The following TENM4 variants were observed in gnomAD, a reference collection of about 807,000 sequenced individuals.
TENM4 encodes the protein teneurin-4.
In TENM4, 82 loss-of-function variants were observed where a neutral mutation model predicts 243.3. The observed-to-expected ratio is 0.34, with a 90% CI of 0.28 to 0.40. The LOEUF (loss-of-function observed/expected upper bound fraction) is 0.40. Among genes scored for constraint, TENM4 ranks in the 10% least tolerant of loss-of-function variants. The pLI is 1.00. For synonymous variants in TENM4, 1,412 were observed against 1,456.3 expected, an observed-to-expected ratio of 0.97 and a Z score of 0.69; for missense variants, 3,138 against 3,673.3, an observed-to-expected ratio of 0.85 and a Z score of 3.77.
chr11:78,805,277 T>TGCCCCCCCCCCCC lies in TENM4; in HGVS notation c.2179+14_2179+15insGGGGGGGGGGGGC. ...CCCCTCCCTCTACCCATGCTTCTTC[T>TGCCCCCCCCCCCC]CCCCCTGCATTTACCGATAGAACAG... On this transcript the variant is annotated intron_variant, in intron 15 of 33. Transcript: ENST00000278550. 65 of 1,402,504 alleles carry TGCCCCCCCCCCCC rather than the reference T, an allele frequency of 4.6e-5. No homozygotes were observed. Among genetic ancestry groups the TGCCCCCCCCCCCC allele is most frequent in the East Asian group, 6.2e-5 (2 of 32,218 alleles). 86.9% of individuals were successfully genotyped at this position (1,402,504 alleles called of 1,614,324 possible).
rs150186945 is a variant in TENM4, at chr11:79,100,978, G to A, written c.-65-30969C>T. The stretch of plus-strand genomic sequence containing the variant: ...AAGCAAAAATGGAAGCTGCAGAGGC[G>A]TGTGGGCTGGACTGGGGAGAGTGCT... On this transcript the variant is annotated intron_variant, in intron 4 of 33. Coordinates refer to ENST00000278550, the MANE Select transcript of TENM4 (RefSeq NM_001098816.3). Among the ~76,000 whole-genome samples, 17 of 152,284 alleles carry A rather than the reference G, an allele frequency of 1.1e-4. No individual in the cohort carries two copies. The East Asian group carries it at 1.2e-3, about 10-fold the overall frequency.
intron 6 of TENM4, among the ~76,000 whole-genome samples, chr11:78,934,171 G>A (rs1367413498): frequency 6.6e-6 from 1 of 152,188 alleles, no homozygotes; most frequent in African/African-American, 2.4e-5. Flanking sequence ...GAAAGACAGA[G>A]TGGGGCTGTA....
chr11:78,958,570 T>A (rs953631405), intron 6 of TENM4, among the ~76,000 whole-genome samples: 4 of 152,242 alleles, frequency 2.6e-5, no homozygotes, highest in Non-Finnish European at 5.9e-5. Flanking sequence ...TGTTCTGTGA[T>A]ACCCCACGGT....
At chr11:79,414,174 A>ACACACACG (rs1172869170) in intron 1 of TENM4, among the ~76,000 whole-genome samples, 6 of 152,010 alleles carry the variant, frequency 3.9e-5, no homozygotes, top group Non-Finnish European at 7.4e-5. Context: ...ACACACACAC[A>ACACACACG]CACACACACG....
chr11:79,280,784 C>T (rs1446496631), intron 2 of TENM4, among the ~76,000 whole-genome samples: 1 of 152,184 alleles, frequency 6.6e-6, no homozygotes, highest in Non-Finnish European at 1.5e-5. Context: ...TGCTGGTCTA[C>T]CTTTCAGCTG....
chr11:79,323,184 G>GT (rs1429325938), intron 1 of TENM4, among the ~76,000 whole-genome samples: 1 of 152,212 alleles, frequency 6.6e-6, no homozygotes, highest in Non-Finnish European at 1.5e-5. Context: ...AATTATTTGT[G>GT]TATGGGCCCC....
chr11:78,774,109 A>G (rs951755591), intron 17 of TENM4, among the ~76,000 whole-genome samples: 2 of 152,244 alleles, frequency 1.3e-5, no homozygotes, highest in Non-Finnish European at 1.5e-5. Context: ...TGTAAAATGG[A>G]GATAATACCT....
At chr11:79,218,409 G>A (rs546311619) in intron 2 of TENM4, among the ~76,000 whole-genome samples, 15 of 152,238 alleles carry the variant, frequency 9.9e-5, no homozygotes, top group African/African-American at 3.6e-4. Flanking sequence ...GTCCCCAAGG[G>A]TCCTGCTGGG....
intron 3 of TENM4, among the ~76,000 whole-genome samples, chr11:79,169,409 C>G (rs533464823): frequency 6.6e-6 from 1 of 152,078 alleles, no homozygotes; most frequent in East Asian, 1.9e-4. Flanking sequence ...GGGGAGGCTA[C>G]GCAACCTGTC....
chr11:78,806,927 T>C (rs917079404), intron 14 of TENM4, among the ~76,000 whole-genome samples: 4 of 152,246 alleles, frequency 2.6e-5, no homozygotes, highest in Admixed American at 6.5e-5. Flanking sequence ...TCTAGGTACT[T>C]AATGTAAGTG....
In TENM4 at chr11:79,333,612, T is replaced by C. The variant is rs80103944; in HGVS notation, c.-320-36069A>G. Among the ~76,000 whole-genome samples the C allele has an allele frequency of 5.3e-3, 806 of 152,268 alleles. 7 individuals are homozygous for C. Among genetic ancestry groups the C allele is most frequent in the African/African-American group, 0.019 (769 of 41,540 alleles). ...TCTGGCGGCCTTCCCACAAGCAACT[T>C]TTCAACCAAAACCATAACAATTGTT... On this transcript the variant is annotated intron_variant, in intron 1 of 33. Transcript: ENST00000278550.
At chr11:79,169,734 C>T (rs1862997390) in intron 3 of TENM4, among the ~76,000 whole-genome samples, 1 of 152,246 alleles carries the variant, frequency 6.6e-6, no homozygotes, top group Admixed American at 6.5e-5. Flanking sequence ...TATCAGTCAG[C>T]AAAAGAGATA....
At chr11:79,097,426 G>A (rs3812724) in intron 4 of TENM4, 130,643 of 152,158 alleles carry the variant, frequency 0.86, 56,529 homozygotes, top group Middle Eastern at 0.98. Flanking sequence ...ATTTTCCAAG[G>A]CAGCTCAGCC....
intron 27 of TENM4, among the ~76,000 whole-genome samples, chr11:78,707,144 G>T (rs1433050653): frequency 6.6e-6 from 1 of 152,228 alleles, no homozygotes; most frequent in Non-Finnish European, 1.5e-5. Flanking sequence ...GGGCCTGTGT[G>T]TGCAGGCTCC....
chr11:79,291,932 T>C (rs1248082390), intron 2 of TENM4, among the ~76,000 whole-genome samples: 1 of 152,160 alleles, frequency 6.6e-6, no homozygotes, highest in Non-Finnish European at 1.5e-5. Context: ...CCTTGATTCA[T>C]GCAAATTGAG....
chr11:78,724,320 G>T (rs1312281191), intron 23 of TENM4, among the ~76,000 whole-genome samples: 1 of 152,122 alleles, frequency 6.6e-6, no homozygotes, highest in Admixed American at 6.6e-5. Context: ...TCAAACTCCT[G>T]GCCTCAAGCG....
chr11:79,343,917 C>T (rs1590894779), intron 1 of TENM4, among the ~76,000 whole-genome samples: 1 of 152,334 alleles, frequency 6.6e-6, no homozygotes, highest in East Asian at 1.9e-4. Flanking sequence ...GGTGGACATC[C>T]CCTTAGCTGG....
intron 3 of TENM4, among the ~76,000 whole-genome samples, chr11:79,202,880 C>G (rs111654082): frequency 6.6e-5 from 10 of 152,344 alleles, no homozygotes; most frequent in South Asian, 2.1e-4. Flanking sequence ...CACTGTTACT[C>G]TGTTCCCAGG....
At chr11:79,215,663 G>T in intron 3 of TENM4, 145 bp downstream of exon 3, 1 of 713,962 alleles carries the variant, frequency 1.4e-6, no homozygotes, top group Non-Finnish European at 1.7e-6. Flanking sequence ...ACTCTGGCCA[G>T]AACTCCTCTA....
Sources: allele counts gnomAD v4.1 joint callset (sites outside exome capture counted in the v4.1 genomes callset), GRCh38; gene constraint gnomAD v4.1.1; transcripts MANE v1.5; gene names NCBI Gene and HGNC (gene_info 2026-07-23, HGNC 2026-07-21).